ZNF239: variants seen among roughly 807,000 people sequenced by gnomAD.
ZNF239 encodes the protein zinc finger protein 239, also known as zinc finger protein (C2H2) homologous to mouse MOK-2.
A neutral mutation model predicts 27.5 loss-of-function variants in ZNF239; 16 were observed. The ratio of observed to expected loss-of-function variants is 0.58; its 90% CI spans 0.39 to 0.88. The LOEUF is 0.88. Among genes scored for constraint, ZNF239 ranks in the 40% least tolerant of loss-of-function variants. ZNF239 has a pLI of 0.00. For synonymous variants in ZNF239, 199 were observed against 192.6 expected (o/e 1.03, Z -0.27); for missense variants, 527 against 551.9 (o/e 0.95, Z 0.45).
rs1836955928 is a variant in ZNF239, at chr10:43,558,283, T to C, written c.-92-112A>G. 1.7e-5 allele frequency: 17 copies of C among 980,610 alleles called. No homozygotes were observed. The South Asian group carries it at 3.3e-4, about 19-fold the overall frequency. 60.7% of individuals were successfully genotyped at this position (980,610 alleles called of 1,614,324 possible). A position where few individuals can be genotyped will look rare whatever the true frequency, so the allele number is the denominator to read the frequency against. ...TAACTAGGAAAAAGTTCAGCTTGTC[T>C]TTATAGTCATGTCCTTTGGGTTAAG... On this transcript the variant is annotated intron_variant, in intron 3 of 3. Coordinates refer to ENST00000374446, the MANE Select transcript of ZNF239 (RefSeq NM_001099282.2).
At chr10:43,569,012 A>AAAAAC (rs1365236624) in intron 2 of ZNF239, among the ~76,000 whole-genome samples, 3 of 152,190 alleles carry the variant, frequency 2.0e-5, no homozygotes, top group East Asian at 1.9e-4. Context: ...CAAACAAACA[A>AAAAAC]AAAACAAAAC....
intron 2 of ZNF239, chr10:43,570,472 T>C (rs1837960139): frequency 1.0e-6 from 1 of 985,220 alleles, no homozygotes; most frequent in African/African-American, 1.7e-5. Context: ...AATTTCTTTC[T>C]GTTTAAGGCT....
intron 2 of ZNF239, among the ~76,000 whole-genome samples, chr10:43,569,530 T>G (rs902677274): frequency 6.6e-6 from 1 of 152,174 alleles, no homozygotes; most frequent in African/African-American, 2.4e-5. Context: ...GCCCTTGAAC[T>G]GCATCAAACT....
Position 43,556,665 on chromosome 10 carries a change from G to C in ZNF239, c.*38C>G, listed in dbSNP as rs1836756405. The C allele has an allele frequency of 6.3e-7, 1 of 1,589,812 alleles. No homozygotes were observed. Among genetic ancestry groups the C allele is most frequent in the Admixed American group, 1.7e-5 (1 of 58,206 alleles). On this transcript the variant is annotated 3_prime_UTR_variant, in exon 4 of 4. Coordinates refer to ENST00000374446, the MANE Select transcript of ZNF239 (RefSeq NM_001099282.2). The stretch of plus-strand genomic sequence containing the variant: ...TACTAAATATTTAACAGTTTTTACA[G>C]TATGAGCGCTGTGAAGACCTGAATG...
intron 3 of ZNF239, among the ~76,000 whole-genome samples, chr10:43,560,989 T>C (rs1170673053): frequency 6.6e-6 from 1 of 152,214 alleles, no homozygotes; most frequent in Non-Finnish European, 1.5e-5. Context: ...TGATAGGTTA[T>C]GTCACTTGTT....
At chr10:43,560,735 C>G (rs1837179612) in intron 3 of ZNF239, among the ~76,000 whole-genome samples, 1 of 149,190 alleles carries the variant, frequency 6.7e-6, no homozygotes, top group Non-Finnish European at 1.5e-5. Context: ...AGAAGTGTCC[C>G]CTAAAGTAAA....
intron 3 of ZNF239, among the ~76,000 whole-genome samples, chr10:43,563,815 A>C (rs1564461862): frequency 6.6e-6 from 1 of 151,622 alleles, no homozygotes; most frequent in East Asian, 1.9e-4. Context: ...TTTTTTTGAG[A>C]TGGGGTCACA....
chr10:43,568,497 C>T, intron 2 of ZNF239: 2 of 974,860 alleles, frequency 2.1e-6, no homozygotes, highest in Non-Finnish European at 2.4e-6. Flanking sequence ...AAATATGAAT[C>T]TCTCTAATAT....
rs764183421 is a variant in ZNF239 at position 43,557,609 on chromosome 10, A to T, written c.471T>A (p.Ile157=). ...LDPIDCNCKD[I]HGWKSQVVSC... is the part of the protein sequence containing the mutation. ...TGACCACCTGTGATTTCCATCCATG[A>T]ATGTCTTTGCAGTTACAGTCAATGG... is the stretch of plus-strand genomic sequence containing the variant. Residue 157 remains isoleucine, a synonymous_variant, in exon 4 of 4, where the codon ATT becomes ATA. Coordinates refer to ENST00000374446, the MANE Select transcript of ZNF239 (RefSeq NM_001099282.2). 6.2e-6 allele frequency: 10 copies of T among 1,614,182 alleles called. No homozygotes were observed. Among genetic ancestry groups the T allele is most frequent in the African/African-American group, 1.3e-5 (1 of 75,060 alleles).
rs189258456 is a variant in ZNF239, at chr10:43,557,542, C to T, written c.538G>A (p.Asp180Asn). The T allele has an allele frequency of 6.2e-7, 1 of 1,614,140 alleles. No homozygotes were observed. The highest frequency in any genetic ancestry group is 8.5e-7 in the Non-Finnish European group (1 of 1,180,026). Residue 180 changes from aspartate to asparagine, a missense_variant, in exon 4 of 4, where the codon GAC becomes AAC. Physicochemically the swap from Asp to Asn is conservative, Grantham distance 23. Coordinates refer to ENST00000374446, the MANE Select transcript of ZNF239 (RefSeq NM_001099282.2). ...AGTATTTTCCCACAGTTATTATGGT[C>T]ACAGGGTTTCTCCTCTGTATGAGCT... ...QRAHTEEKPC[D>N]HNNCGKILNT...
chr10:43,568,731 C>T (rs1378703632), intron 2 of ZNF239, among the ~76,000 whole-genome samples: 1 of 152,196 alleles, frequency 6.6e-6, no homozygotes, highest in East Asian at 1.9e-4. Context: ...AACATCTACA[C>T]TGGGACGTCT....
At chr10:43,565,321 T>G (rs1031053409) in intron 3 of ZNF239, among the ~76,000 whole-genome samples, 2 of 152,084 alleles carry the variant, frequency 1.3e-5, no homozygotes, top group African/African-American at 4.8e-5. Context: ...TGACCTCAGG[T>G]GATCCGCCCA....
intron 2 of ZNF239, among the ~76,000 whole-genome samples, chr10:43,572,923 A>G (rs1318739082): frequency 6.6e-6 from 1 of 152,232 alleles, no homozygotes; most frequent in African/African-American, 2.4e-5. Context: ...TGAATAACTC[A>G]TTTTACCTAC....
intron 2 of ZNF239, chr10:43,570,446 A>G (rs1837958320): frequency 1.0e-6 from 1 of 985,076 alleles, no homozygotes. Context: ...TTCTCTTCAG[A>G]CCACAGAGAA....
At chr10:43,570,617 C>T (rs1222124429) in intron 2 of ZNF239, 2 of 984,954 alleles carry the variant, frequency 2.0e-6, no homozygotes, top group East Asian at 1.1e-4. Flanking sequence ...TCCTCCTTCT[C>T]TACCTCAACA....
At position 43,570,367 on chromosome 10, in the gene ZNF239, A is replaced by T. The variant is rs1396920135; in HGVS notation, c.-215-2346T>A. 3.0e-6 allele frequency: 3 copies of T among 985,210 alleles called. No homozygotes were observed. In the Admixed American group the frequency reaches 1.8e-4, roughly 61 times the overall value. The allele number at this position is 985,210 out of a possible 1,614,324, so 61.0% of individuals were successfully genotyped here. ...TGCTGCCTTCAAGCTCCATCACCAC[A>T]TCCTTTAGCAAGGCATGACCCATGG... On this transcript the variant is annotated intron_variant, in intron 2 of 3. Coordinates refer to ENST00000374446, the MANE Select transcript of ZNF239 (RefSeq NM_001099282.2).
intron 3 of ZNF239, among the ~76,000 whole-genome samples, chr10:43,559,973 AAAGT>A (rs1459130992): frequency 3.3e-5 from 5 of 152,208 alleles, no homozygotes; most frequent in African/African-American, 4.8e-5. Flanking sequence ...CAATAATTAC[AAAGT>A]AAGGGAGCAC....
chr10:43,559,552 T>C (rs1173844180), intron 3 of ZNF239, among the ~76,000 whole-genome samples: 1 of 152,126 alleles, frequency 6.6e-6, no homozygotes, highest in Non-Finnish European at 1.5e-5. Flanking sequence ...TTGTATAATC[T>C]GTGGTGTTGG....
intron 3 of ZNF239, among the ~76,000 whole-genome samples, chr10:43,561,035 C>T (rs1199695520): frequency 6.6e-6 from 1 of 152,076 alleles, no homozygotes; most frequent in African/African-American, 2.4e-5. Context: ...AGTCAAACGC[C>T]TGCAATCTAG....
Sources: gnomAD v4.1 joint callset for allele counts (sites outside exome capture counted in the v4.1 genomes callset) on GRCh38, gnomAD v4.1.1 for gene constraint, MANE v1.5 for transcripts, NCBI Gene and HGNC (gene_info 2026-07-23, HGNC 2026-07-21) for gene names.